The following NHSL1 variants were observed in gnomAD, a reference collection of about 807,000 sequenced individuals.
NHSL1 encodes NHS like 1, also known as NHS-like protein 1.
A neutral mutation model predicts 95.0 loss-of-function variants in NHSL1; 48 were observed. The observed-to-expected ratio is 0.51, with a 90% CI of 0.40 to 0.64. NHSL1 has a LOEUF of 0.64. Ranked by LOEUF, NHSL1 falls within the 30% of genes least tolerant of loss-of-function variation. The pLI, the probability that NHSL1 is intolerant of heterozygous loss-of-function variation, is 0.00. For synonymous variants in NHSL1, 783 were observed against 833.9 expected, an observed-to-expected ratio of 0.94 and a Z score of 1.05; for missense variants, 1,971 against 2,077.7, an observed-to-expected ratio of 0.95 and a Z score of 1.00.
intron 2 of NHSL1, among the ~76,000 whole-genome samples, chr6:138,490,795 G>A (rs551654238): frequency 3.3e-4 from 50 of 152,124 alleles, no homozygotes; most frequent in African/African-American, 1.2e-3. Context: ...CACCACACCC[G>A]GCTAATTTTT....
At chr6:138,465,975 C>T (rs1361150700) in intron 3 of NHSL1, among the ~76,000 whole-genome samples, 6 of 150,222 alleles carry the variant, frequency 4.0e-5, no homozygotes, top group African/African-American at 1.2e-4. Flanking sequence ...ACACCCACCT[C>T]GGACTTCCAA....
rs192131828 is a variant in NHSL1, at chr6:138,488,680, G to A, written c.211+7539C>T. Among the ~76,000 whole-genome samples the A allele has an allele frequency of 3.9e-5, 6 of 152,314 alleles. No homozygotes were observed. The East Asian group carries it at 9.6e-4, about 24-fold the overall frequency. ...GAAGTCACCACCTTTAGGCAACGAT[G>A]AGCCAATTTGCATTTCTAAATTAAC... On this transcript the variant is annotated intron_variant, in intron 2 of 7. Coordinates refer to ENST00000343505, the MANE Select transcript of NHSL1 (RefSeq NM_001144060.2).
upstream of NHSL1, among the ~76,000 whole-genome samples, chr6:138,546,316 C>T (rs780095596): frequency 6.7e-6 from 1 of 148,938 alleles, no homozygotes; most frequent in African/African-American, 2.5e-5. Flanking sequence ...ACGGGGCGGA[C>T]ATGGTGGCTC....
At chr6:138,637,637 T>C (rs1784904458) in intron 1 of NHSL1, among the ~76,000 whole-genome samples, 1 of 152,174 alleles carries the variant, frequency 6.6e-6, no homozygotes, top group Admixed American at 6.5e-5. Flanking sequence ...GTGCTCAACA[T>C]CACTGATCAT....
intron 1 of NHSL1, among the ~76,000 whole-genome samples, chr6:138,596,914 G>T (rs189649105): frequency 6.6e-6 from 1 of 152,166 alleles, no homozygotes; most frequent in East Asian, 1.9e-4. Flanking sequence ...AAGTGCTCAG[G>T]GTTCCCGCCT....
chr6:138,494,164 GCAGAAGT>G (rs1780221953), intron 2 of NHSL1, among the ~76,000 whole-genome samples: 1 of 152,160 alleles, frequency 6.6e-6, no homozygotes, highest in Non-Finnish European at 1.5e-5. Context: ...CTCTCTCCAA[GCAGAAGT>G]TATCTGCCCT....
At chr6:138,515,250 C>T (rs55939111) in intron 1 of NHSL1, among the ~76,000 whole-genome samples, 2,140 of 152,332 alleles carry the variant, frequency 0.014, 19 homozygotes, top group Middle Eastern at 0.02. Flanking sequence ...CTGAGGCTAA[C>T]AGGAGACCGC....
chr6:138,575,960 C>CATTTATTTATTTATTT (rs10626397), upstream of NHSL1, among the ~76,000 whole-genome samples: 45 of 144,710 alleles, frequency 3.1e-4, no homozygotes, highest in Middle Eastern at 3.6e-3. Flanking sequence ...AAAATCCCTA[C>CATTTATTTATTTATTT]ATTTATTTAT....
intron 3 of NHSL1, chr6:138,464,293 G>C (rs1336339438): frequency 6.8e-6 from 5 of 735,322 alleles, no homozygotes; most frequent in Non-Finnish European, 1.2e-5. Context: ...CCCTGGTGTC[G>C]TGGGCGGACT....
intron 1 of NHSL1, among the ~76,000 whole-genome samples, chr6:138,610,362 G>A (rs917026324): frequency 1.3e-5 from 2 of 151,948 alleles, no homozygotes; most frequent in African/African-American, 2.4e-5. Context: ...GACACAGGGT[G>A]GGGAACATCA....
intron 3 of NHSL1, among the ~76,000 whole-genome samples, chr6:138,458,566 C>T (rs1339529226): frequency 6.6e-6 from 1 of 151,940 alleles, no homozygotes; most frequent in African/African-American, 2.4e-5. Flanking sequence ...TGGTGGCTCA[C>T]ACCTGTAATC....
At chr6:138,437,097 C>A (rs1776153187) in intron 5 of NHSL1, among the ~76,000 whole-genome samples, 1 of 151,760 alleles carries the variant, frequency 6.6e-6, no homozygotes, top group South Asian at 2.1e-4. Context: ...CATAAAGAAA[C>A]CCTGTCTCTA....
At chr6:138,514,879 C>T (rs930265117) in intron 1 of NHSL1, among the ~76,000 whole-genome samples, 88 of 152,264 alleles carry the variant, frequency 5.8e-4, no homozygotes, top group African/African-American at 2.1e-3. Flanking sequence ...GCTGTGGTCA[C>T]ACCACGGCAT....
At chr6:138,657,390 AAG>A (rs1785170193) in intron 1 of NHSL1, among the ~76,000 whole-genome samples, 1 of 152,240 alleles carries the variant, frequency 6.6e-6, no homozygotes, top group Non-Finnish European at 1.5e-5. Flanking sequence ...TAACATAGTA[AAG>A]AGAGGGAAGC....
At chr6:138,650,069 T>C (rs1240244746) in intron 1 of NHSL1, among the ~76,000 whole-genome samples, 2 of 152,164 alleles carry the variant, frequency 1.3e-5, no homozygotes, top group East Asian at 3.9e-4. Context: ...CACATCTGGA[T>C]AGACACATGG....
intron 1 of NHSL1, among the ~76,000 whole-genome samples, chr6:138,652,511 C>A (rs552713806): frequency 1.3e-5 from 2 of 151,156 alleles, no homozygotes; most frequent in East Asian, 3.9e-4. Flanking sequence ...TCTAAAATTA[C>A]TTTAAAATCT....
At chr6:138,504,436 T>TA (rs1780853245), upstream of NHSL1, among the ~76,000 whole-genome samples, 1 of 152,158 alleles carries the variant, frequency 6.6e-6, no homozygotes, top group Admixed American at 6.5e-5. Flanking sequence ...AGTTCCTAGG[T>TA]AAAATGATAA....
chr6:138,461,997 A>G (rs1778026381), intron 3 of NHSL1, among the ~76,000 whole-genome samples: 1 of 152,182 alleles, frequency 6.6e-6, no homozygotes, highest in Non-Finnish European at 1.5e-5. Context: ...GGGACACAGC[A>G]GGGCATTACA....
upstream of NHSL1, among the ~76,000 whole-genome samples, chr6:138,574,672 CAAAAAA>C (rs1193555851): frequency 9.7e-4 from 78 of 80,332 alleles, 1 homozygote; most frequent in African/African-American, 4.5e-3. Flanking sequence ...ACAAATAATG[CAAAAAA>C]AAAAAAAAAG....
Sources: gnomAD v4.1 joint callset for allele counts (sites outside exome capture counted in the v4.1 genomes callset) on GRCh38, gnomAD v4.1.1 for gene constraint, MANE v1.5 for transcripts, NCBI Gene and HGNC (gene_info 2026-07-23, HGNC 2026-07-21) for gene names.